Variants in ZNF493 observed in about 807,000 individuals in gnomAD.
ZNF493 encodes zinc finger protein 493.
Under a neutral mutation model 12.2 loss-of-function variants are expected in ZNF493, and 11 were observed. That is an observed-to-expected ratio of 0.90 (90% CI 0.57 to 1.50). ZNF493 has a LOEUF of 1.50. Among genes scored for constraint, ZNF493 ranks in the 40% most tolerant of loss-of-function variants. The pLI, the probability that ZNF493 is intolerant of heterozygous loss-of-function variation, is 0.00. For missense variants in ZNF493, 950 were observed against 906.6 expected (o/e 1.05, Z -0.61); for synonymous variants, 286 against 302.6 (o/e 0.95, Z 0.57).
chr19:21,425,871 CA>C lies in ZNF493; in HGVS notation c.*890del, dbSNP rs1157407669. 1.7e-6 allele frequency: 1 copy of C among 588,506 alleles called. No individual in the cohort carries two copies. Among genetic ancestry groups the C allele is most frequent in the Non-Finnish European group, 3.2e-6 (1 of 309,444 alleles). 36.5% of individuals were successfully genotyped at this position (588,506 alleles called of 1,614,324 possible). On this transcript the variant is annotated 3_prime_UTR_variant, in exon 4 of 4. Transcript: ENST00000392288. ...AACCATACAACTGTGAAGAATGTGG[CA>C]AAGCTTTTAACCAGTCCTCAAACTT...
chr19:21,426,752 AAT>A lies in ZNF493; in HGVS notation c.*1769_*1770del, dbSNP rs2030865689. The stretch of plus-strand genomic sequence containing the variant: ...TCAAAGGTGTAGTAAAAATAAAAAA[AAT>A]TTTAATCCAAATTTGTCTATGTAAA... On this transcript the variant is annotated 3_prime_UTR_variant, in exon 4 of 4. Transcript: ENST00000392288. The A allele has an allele frequency of 6.0e-6, 1 of 167,018 alleles. No individual in the cohort carries two copies. The highest frequency in any genetic ancestry group is 1.5e-5 in the Non-Finnish European group (1 of 68,076). The allele number at this position is 167,018 out of a possible 1,614,324, so 10.3% of individuals were successfully genotyped here.
At position 21,402,906 on chromosome 19, in the gene ZNF493, CCTT is replaced by C. The variant is rs150069768; in HGVS notation, c.31-2219_31-2217del. Reference sequence around the variant, plus strand: ...TAATAATGGAGTAGAGTATTCTTGTCCTTCTTACCCAAAAGCTAGCACATCAGG... The same window carrying C: ...TAATAATGGAGTAGAGTATTCTTGTCCTTACCCAAAAGCTAGCACATCAGG... On this transcript the variant is annotated intron_variant, in intron 1 of 3. Transcript: ENST00000392288. Among the ~76,000 whole-genome samples, 603 of 152,304 alleles carry C rather than the reference CCTT, an allele frequency of 4.0e-3. 9 individuals are homozygous for C. Among genetic ancestry groups the C allele is most frequent in the African/African-American group, 0.014 (581 of 41,570 alleles).
rs2145312083 is a variant in ZNF493 at position 21,423,783 on chromosome 19, A to G, written c.1124A>G (p.Lys375Arg). The change falls in exon 4 of 4, where the codon AAA becomes AGA. Residue 375 changes from lysine to arginine, a missense_variant. Physicochemically the swap from Lys to Arg is conservative, Grantham distance 26 (BLOSUM62 2). Coordinates refer to ENST00000392288, the MANE Select transcript of ZNF493 (RefSeq NM_001076678.3). ...CATAAAAGAATTCATACTGGAGAGA[A>G]ACCCTACAAATGTGAAGAATGTGGC... ...TTHKRIHTGE[K>R]PYKCEECGKA... is the part of the protein sequence containing the mutation. The G allele has an allele frequency of 1.9e-6, 3 of 1,613,332 alleles. No homozygotes were observed. Among genetic ancestry groups the G allele is most frequent in the Non-Finnish European group, 1.7e-6 (2 of 1,179,422 alleles).
At chr19:21,421,591 G>A (rs899779244) in intron 3 of ZNF493, among the ~76,000 whole-genome samples, 3 of 152,052 alleles carry the variant, frequency 2.0e-5, no homozygotes, top group Non-Finnish European at 2.9e-5. Flanking sequence ...TGTCAAACTC[G>A]TGACCTCAGG....
At chr19:21,407,560 A>G (rs2030173520) in intron 3 of ZNF493, 1 of 882,432 alleles carries the variant, frequency 1.1e-6, no homozygotes, top group African/African-American at 1.8e-5. Context: ...AAGTGCTGGT[A>G]TTACAGGCGT....
At chr19:21,419,617 G>T (rs1269529657) in intron 3 of ZNF493, among the ~76,000 whole-genome samples, 1 of 152,074 alleles carries the variant, frequency 6.6e-6, no homozygotes, top group East Asian at 1.9e-4. Flanking sequence ...CTGACTAGAT[G>T]GTGCCCACCC....
Position 21,424,469 on chromosome 19 carries a change from G to T in ZNF493, c.1810G>T (p.Glu604Ter). Reference protein sequence around the residue: ...IHTDKKPYKCEECGKAFNRSS... With the variant: ...IHTDKKPYKC ...TACTGATAAGAAACCCTACAAATGT[G>T]AAGAATGTGGCAAAGCTTTTAACCG... The change falls in exon 4 of 4, where the codon GAA becomes TAA. Residue 604 changes from glutamate (E) to a stop codon, truncating the protein, a stop_gained. Transcript: ENST00000392288. LOFTEE classifies it low-confidence loss of function (END_TRUNC). 6.2e-7 allele frequency: 1 copy of T among 1,613,182 alleles called. No homozygotes were observed. Among genetic ancestry groups the T allele is most frequent in the Non-Finnish European group, 8.5e-7 (1 of 1,179,696 alleles).
At chr19:21,419,193 C>T (rs568780043) in intron 3 of ZNF493, among the ~76,000 whole-genome samples, 1 of 151,914 alleles carries the variant, frequency 6.6e-6, no homozygotes, top group African/African-American at 2.4e-5. Flanking sequence ...TGGGACTGAG[C>T]CCTGAACTTG....
intron 1 of ZNF493, 37 bp from the exon 2 acceptor site, chr19:21,405,088 ATGTG>A (rs35143973): frequency 7.3e-5 from 104 of 1,421,326 alleles, no homozygotes; most frequent in Middle Eastern, 3.7e-4. Context: ...CCACGTGTAA[ATGTG>A]TGTGTGTGTG....
chr19:21,408,888 T>G, intron 3 of ZNF493: 3 of 915,014 alleles, frequency 3.3e-6, no homozygotes, highest in Non-Finnish European at 2.6e-6. Flanking sequence ...TTTCTTTTTT[T>G]TTTTTTTTTT....
chr19:21,397,355 C>CT lies in ZNF493; in HGVS notation c.30+88_30+89insT, dbSNP rs780193806. 13 of 1,460,802 alleles carry CT rather than the reference C, an allele frequency of 8.9e-6. No homozygotes were observed. The African/African-American group carries it at 1.8e-4, about 20-fold the overall frequency. 90.5% of individuals were successfully genotyped at this position (1,460,802 alleles called of 1,614,324 possible). On this transcript the variant is annotated intron_variant, in intron 1 of 3. Transcript: ENST00000392288. ...TGGCTGTGGCGGGACTCAGGCCTCC[C>CT]CGCAGTCAGCTCCACAATCTGCTCC...
In ZNF493 at chr19:21,425,524, AATGTGAGGAATGTGGCAAAGCCTTTAG is replaced by A; in HGVS notation, c.*541_*567del. 1 of 529,890 alleles carries A rather than the reference AATGTGAGGAATGTGGCAAAGCCTTTAG, an allele frequency of 1.9e-6. No homozygotes were observed. The highest frequency in any genetic ancestry group is 3.7e-6 in the Non-Finnish European group (1 of 271,100). 32.8% of individuals were successfully genotyped at this position (529,890 alleles called of 1,614,324 possible). A position where few individuals can be genotyped will look rare whatever the true frequency, so the allele number is the denominator to read the frequency against. ...ATTCATACTGGAGAGAAAACCTACA[AATGTGAGGAATGTGGCAAAGCCTTTAG>A]CCTGTCCCTCCAATTTACTGCACAT... On this transcript the variant is annotated 3_prime_UTR_variant, in exon 4 of 4. Transcript: ENST00000392288.
chr19:21,402,998 A>T (rs2145266103), intron 1 of ZNF493, among the ~76,000 whole-genome samples: 1 of 152,338 alleles, frequency 6.6e-6, no homozygotes, highest in South Asian at 2.1e-4. Context: ...AATCAGCATG[A>T]ATCTCTCTCA....
intron 1 of ZNF493, among the ~76,000 whole-genome samples, chr19:21,401,675 GAGTGC>G (rs2029950771): frequency 6.6e-6 from 1 of 151,198 alleles, no homozygotes; most frequent in African/African-American, 2.4e-5. Context: ...GCCCAGGCTG[GAGTGC>G]AGTGGCACAG....
intron 3 of ZNF493, chr19:21,408,672 A>C (rs1283952256): frequency 9.1e-6 from 9 of 985,078 alleles, no homozygotes; most frequent in Non-Finnish European, 1.1e-5. Context: ...TTTTCAGTGT[A>C]GGTATCTTAA....
intron 3 of ZNF493, chr19:21,407,556 TG>T: frequency 1.2e-6 from 1 of 838,756 alleles, no homozygotes; most frequent in Non-Finnish European, 1.4e-6. Context: ...CCCAAAGTGC[TG>T]GTATTACAGG....
intron 1 of ZNF493, among the ~76,000 whole-genome samples, chr19:21,404,494 T>C (rs1368759741): frequency 6.6e-6 from 1 of 152,234 alleles, no homozygotes; most frequent in African/African-American, 2.4e-5. Context: ...AACCATCACA[T>C]TTAATCTGGC....
chr19:21,425,309 A>G lies in ZNF493; in HGVS notation c.*325A>G, dbSNP rs1324175058. On this transcript the variant is annotated 3_prime_UTR_variant, in exon 4 of 4. Transcript: ENST00000392288. Reference sequence around the variant, plus strand: ...GTGACAAAGCTTTTAACCACTTCTCAACCCTGCCTACACGTAAGATAATTC... The same window carrying G: ...GTGACAAAGCTTTTAACCACTTCTCGACCCTGCCTACACGTAAGATAATTC... 2.3e-6 allele frequency: 1 copy of G among 437,734 alleles called. No individual in the cohort carries two copies. The highest frequency in any genetic ancestry group is 3.5e-5 in the Admixed American group (1 of 28,810). The allele number at this position is 437,734 out of a possible 1,614,324, so 27.1% of individuals were successfully genotyped here. A position where few individuals can be genotyped will look rare whatever the true frequency, so the allele number is the denominator to read the frequency against.
chr19:21,407,610 T>TA, intron 3 of ZNF493: 1 of 979,552 alleles, frequency 1.0e-6, no homozygotes. Flanking sequence ...TTTTTATTTC[T>TA]ATTGTATCCA....
Sources: gnomAD v4.1 joint callset for allele counts (sites outside exome capture counted in the v4.1 genomes callset) on GRCh38, gnomAD v4.1.1 for gene constraint, MANE v1.5 for transcripts, NCBI Gene and HGNC (gene_info 2026-07-23, HGNC 2026-07-21) for gene names.